BMPR1B: variants seen among roughly 807,000 people sequenced by gnomAD.
The protein encoded by BMPR1B is bone morphogenetic protein receptor type-1B.
Under a neutral mutation model 59.1 loss-of-function variants are expected in BMPR1B, and 12 were observed. That is an observed-to-expected ratio of 0.20 (90% CI 0.13 to 0.33). The LOEUF (loss-of-function observed/expected upper bound fraction) is 0.33, where lower values mean the gene tolerates loss of function less well. BMPR1B is among the 10% of genes least tolerant of loss of function. The pLI is 1.00. For missense variants in BMPR1B, 550 were observed against 610.9 expected (o/e 0.90, Z 1.05); for synonymous variants, 237 against 207.3 (o/e 1.14, Z -1.23).
At chr4:94,916,819 A>G (rs1578799229) in intron 2 of BMPR1B, among the ~76,000 whole-genome samples, 1 of 152,238 alleles carries the variant, frequency 6.6e-6, no homozygotes, top group African/African-American at 2.4e-5. Flanking sequence ...AAAGGCCTCT[A>G]AGGCATTTCA....
chr4:95,092,501 T>C (rs188962893), intron 3 of BMPR1B, among the ~76,000 whole-genome samples: 4 of 152,292 alleles, frequency 2.6e-5, no homozygotes, highest in Admixed American at 2.0e-4. Context: ...TCACCAGAGA[T>C]AGACCTTTAA....
intron 1 of BMPR1B, among the ~76,000 whole-genome samples, chr4:94,803,462 G>C (rs1017923203): frequency 6.6e-6 from 1 of 152,038 alleles, no homozygotes; most frequent in African/African-American, 2.4e-5. Context: ...GAGTAGGGTG[G>C]GACTGTTGAG....
chr4:94,970,302 T>TCTCTCTC (rs70946573), intron 2 of BMPR1B, among the ~76,000 whole-genome samples: 13,960 of 91,240 alleles, frequency 0.15, 795 homozygotes, highest in Middle Eastern at 0.19. Context: ...TTCTCTTCTC[T>TCTCTCTC]TCTTTCTCTC....
At chr4:94,889,490 T>TGTA (rs1305895497) in intron 2 of BMPR1B, among the ~76,000 whole-genome samples, 4 of 152,130 alleles carry the variant, frequency 2.6e-5, no homozygotes, top group African/African-American at 7.2e-5. Flanking sequence ...ATGTTCTCTC[T>TGTA]GTACTGCTGT....
intron 3 of BMPR1B, among the ~76,000 whole-genome samples, chr4:95,022,737 A>G (rs1195944660): frequency 2.0e-5 from 3 of 152,190 alleles, no homozygotes; most frequent in Admixed American, 6.6e-5. Context: ...TGAGCTTATA[A>G]AAAGACTATG....
At chr4:95,004,819 C>T (rs947223072) in intron 3 of BMPR1B, among the ~76,000 whole-genome samples, 1 of 152,100 alleles carries the variant, frequency 6.6e-6, no homozygotes, top group Non-Finnish European at 1.5e-5. Flanking sequence ...AGCATGGTGA[C>T]CTAGGACACA....
chr4:95,121,910 G>A (rs1732558620), intron 6 of BMPR1B, among the ~76,000 whole-genome samples: 1 of 152,204 alleles, frequency 6.6e-6, no homozygotes, highest in Non-Finnish European at 1.5e-5. Context: ...GTGCAAAGAT[G>A]TATGTGTAAG....
chr4:95,073,455 A>G (rs926441421), intron 3 of BMPR1B, among the ~76,000 whole-genome samples: 1 of 152,152 alleles, frequency 6.6e-6, no homozygotes, highest in Non-Finnish European at 1.5e-5. Context: ...TCATAGTAGC[A>G]GGGCTTGTCT....
At chr4:94,829,066 T>C (rs1445794430) in intron 1 of BMPR1B, among the ~76,000 whole-genome samples, 6 of 151,898 alleles carry the variant, frequency 4.0e-5, no homozygotes, top group Admixed American at 3.9e-4. Flanking sequence ...TGAAAGTTTA[T>C]GATTCATGAT....
At chr4:94,852,223 C>G (rs1291057699) in intron 1 of BMPR1B, among the ~76,000 whole-genome samples, 2 of 152,042 alleles carry the variant, frequency 1.3e-5, no homozygotes. Flanking sequence ...TATGGCCAGC[C>G]TCCATTCTTC....
chr4:94,766,817 C>T (rs530935316), intron 1 of BMPR1B, among the ~76,000 whole-genome samples: 1 of 151,926 alleles, frequency 6.6e-6, no homozygotes, highest in East Asian at 1.9e-4. Flanking sequence ...ATATAATATT[C>T]TCAATCCAAG....
intron 4 of BMPR1B, among the ~76,000 whole-genome samples, chr4:95,108,744 T>C (rs1448008471): frequency 1.3e-5 from 2 of 152,208 alleles, no homozygotes; most frequent in Admixed American, 1.3e-4. Flanking sequence ...GAGCCTTTTT[T>C]ATATTTATAT....
At chr4:94,794,929 T>TGG (rs1723129946) in intron 1 of BMPR1B, among the ~76,000 whole-genome samples, 1 of 146,882 alleles carries the variant, frequency 6.8e-6, no homozygotes, top group East Asian at 2.1e-4. Flanking sequence ...GCTGAGACAA[T>TGG]GGGGTTTTCT....
At chr4:94,839,469 G>A (rs985849661) in intron 1 of BMPR1B, among the ~76,000 whole-genome samples, 1 of 147,840 alleles carries the variant, frequency 6.8e-6, no homozygotes, top group Non-Finnish European at 1.5e-5. Flanking sequence ...ATATATTTAG[G>A]ATAGTTAACT....
chr4:95,022,491 T>C (rs1724062370), intron 3 of BMPR1B, among the ~76,000 whole-genome samples: 1 of 152,158 alleles, frequency 6.6e-6, no homozygotes, highest in Non-Finnish European at 1.5e-5. Flanking sequence ...CTCTGAATTT[T>C]GGTAGATGTT....
At chr4:94,985,179 C>A (rs552764819) in intron 2 of BMPR1B, among the ~76,000 whole-genome samples, 1 of 152,038 alleles carries the variant, frequency 6.6e-6, no homozygotes, top group South Asian at 2.1e-4. Context: ...AAGTTTGAAC[C>A]CTCTGTTGCC....
intron 1 of BMPR1B, among the ~76,000 whole-genome samples, chr4:94,761,020 A>G (rs1052932997): frequency 6.6e-6 from 1 of 152,216 alleles, no homozygotes; most frequent in Non-Finnish European, 1.5e-5. Context: ...ATGCTCAGAA[A>G]TAGAAAGTGA....
At position 94,768,328 on chromosome 4, in the gene BMPR1B, A is replaced by C. The variant is rs531933106; in HGVS notation, c.-183+10260A>C. Among the ~76,000 whole-genome samples the C allele has an allele frequency of 2.5e-3, 379 of 152,170 alleles. 3 individuals carry two copies. Among genetic ancestry groups the C allele is most frequent in the African/African-American group, 8.8e-3 (365 of 41,544 alleles). ...ATTTCTTGAATACCTCAGACTTAAC[A>C]GTTTAAAGAGAAAACTTACCTTCTC... is the stretch of plus-strand genomic sequence containing the variant. On this transcript the variant is annotated intron_variant, in intron 1 of 12. Transcript: ENST00000515059.
intron 3 of BMPR1B, among the ~76,000 whole-genome samples, chr4:95,047,710 T>C (rs529146855): frequency 6.6e-6 from 1 of 152,318 alleles, no homozygotes; most frequent in Non-Finnish European, 1.5e-5. Context: ...ATATATAAAT[T>C]TTTTGAATTC....
Sources: gnomAD v4.1 joint callset for allele counts (sites outside exome capture counted in the v4.1 genomes callset) on GRCh38, gnomAD v4.1.1 for gene constraint, MANE v1.5 for transcripts, NCBI Gene and HGNC (gene_info 2026-07-23, HGNC 2026-07-21) for gene names.